The following ZNF683 variants were observed in gnomAD, a reference collection of about 807,000 sequenced individuals.
ZNF683 encodes the protein zinc finger protein 683.
ZNF683 carries 20 observed loss-of-function variants against 31.4 expected under a neutral mutation model. The observed-to-expected ratio is 0.64, with a 90% CI of 0.45 to 0.93. The LOEUF (loss-of-function observed/expected upper bound fraction) is 0.93, where lower values mean the gene tolerates loss of function less well. ZNF683 is among the 40% of genes least tolerant of loss of function. ZNF683 has a pLI of 0.00. For synonymous variants in ZNF683, 264 were observed against 267.6 expected (o/e 0.99, Z 0.13); for missense variants, 621 against 637.2 (o/e 0.97, Z 0.27).
chr1:26,367,686 A>G lies in ZNF683; in HGVS notation c.226T>C (p.Cys76Arg). 6.2e-7 allele frequency: 1 copy of G among 1,612,828 alleles called. No individual in the cohort carries two copies. The highest frequency in any genetic ancestry group is 2.2e-5 in the East Asian group (1 of 44,850). The change falls in exon 3 of 6, where the codon TGC (cysteine) becomes CGC (arginine). Residue 76 changes from cysteine (C) to arginine (R), a missense_variant. Physicochemically the swap from Cys to Arg is radical, Grantham distance 180. Coordinates refer to ENST00000349618, the MANE Select transcript of ZNF683 (RefSeq NM_001114759.3). ...LAPGRSALLA[C>R]LQDLDLNLCT... The stretch of plus-strand genomic sequence containing the variant: ...AGGTTCAGGTCCAGGTCCTGTAGGC[A>G]GGCCAGCAGTGCAGACCTGCCCGGT...
chr1:26,372,550 G>T (rs1250338949), intron 1 of ZNF683, 119 bp downstream of exon 1: 4 of 1,304,834 alleles, frequency 3.1e-6, no homozygotes, highest in Non-Finnish European at 4.0e-6. Flanking sequence ...GCTTCCATCT[G>T]CCAGCTCTGC....
In ZNF683 at chr1:26,367,705, G is replaced by T; in HGVS notation, c.207C>A (p.Gly69=). 6.2e-7 allele frequency: 1 copy of T among 1,612,254 alleles called. No individual in the cohort carries two copies. Among genetic ancestry groups the T allele is most frequent in the East Asian group, 2.2e-5 (1 of 44,820 alleles). ...GTAGGCAGGCCAGCAGTGCAGACCT[G>T]CCCGGTGCCAGGGGCAAGGGACACA... ...SWLCPLPLAP[G]RSALLACLQD... The change falls in exon 3 of 6, where the codon GGC becomes GGA. Residue 69 remains glycine (G), a synonymous_variant. Coordinates refer to ENST00000349618, the MANE Select transcript of ZNF683 (RefSeq NM_001114759.3).
Position 26,364,684 on chromosome 1 carries a change from G to A in ZNF683, c.862C>T (p.Arg288Cys), listed in dbSNP as rs771189082. The A allele has an allele frequency of 1.9e-6, 3 of 1,613,784 alleles. No homozygotes were observed. The highest frequency in any genetic ancestry group is 1.3e-5 in the African/African-American group (1 of 74,922). Residue 288 changes from arginine (R) to cysteine (C), a missense_variant, in exon 4 of 6, where the codon CGT becomes TGT. Coordinates refer to ENST00000349618, the MANE Select transcript of ZNF683 (RefSeq NM_001114759.3). The stretch of plus-strand genomic sequence containing the variant: ...TTTGCTGGAGATGCCATGCCACCAC[G>A]CTCCAGGCCTGGGGAGTCGGTTGGG... ...AAPTDSPGLE[R>C]GGMASPAKRV...
At chr1:26,371,251 C>T (rs1005282859) in intron 1 of ZNF683, among the ~76,000 whole-genome samples, 10 of 152,170 alleles carry the variant, frequency 6.6e-5, no homozygotes, top group African/African-American at 2.4e-4. Flanking sequence ...TCTCAGATCT[C>T]CTGACCCTGG....
chr1:26,365,292 C>T (rs2074496116), intron 3 of ZNF683, 66 bp from the exon 4 acceptor site: 9 of 1,477,676 alleles, frequency 6.1e-6, no homozygotes, highest in Non-Finnish European at 8.1e-6. Flanking sequence ...CGCCATCAAA[C>T]CTGCCCTGCT....
At chr1:26,368,427 C>T (rs764766352) in intron 2 of ZNF683, 31 bp downstream of exon 2, 1 of 1,526,954 alleles carries the variant, frequency 6.5e-7, no homozygotes, top group African/African-American at 1.4e-5. Context: ...AGCAGACTAC[C>T]CACAAAGGTA....
At position 26,368,489 on chromosome 1, in the gene ZNF683, C is replaced by A. The variant is rs1040882998; in HGVS notation, c.83G>T (p.Ser28Ile). 6.2e-7 allele frequency: 1 copy of A among 1,600,176 alleles called. No homozygotes were observed. Among genetic ancestry groups the A allele is most frequent in the Non-Finnish European group, 8.5e-7 (1 of 1,173,700 alleles). The change falls in exon 2 of 6, where the codon AGC becomes ATC. Residue 28 changes from serine (S) to isoleucine (I), a missense_variant. Coordinates refer to ENST00000349618, the MANE Select transcript of ZNF683 (RefSeq NM_001114759.3). ...ACCTCGGAAGAGCTGGAAGTCCAGG[C>A]TGGGGGACAGGGAGCCCCCTGTACC... ...LGGTGGSLSP[S>I]LDFQLFRGDQ...
At chr1:26,368,081 C>T (rs1274468730) in intron 2 of ZNF683, among the ~76,000 whole-genome samples, 1 of 152,134 alleles carries the variant, frequency 6.6e-6, no homozygotes, top group Non-Finnish European at 1.5e-5. Context: ...CACCCTGGTC[C>T]CCAGTGTATC....
At chr1:26,365,947 G>A (rs879727102) in intron 3 of ZNF683, among the ~76,000 whole-genome samples, 57 of 152,160 alleles carry the variant, frequency 3.7e-4, no homozygotes, top group Non-Finnish European at 5.6e-4. Context: ...TTGGGAGGCC[G>A]AGGCGGGAAG....
At chr1:26,368,664 T>G in intron 1 of ZNF683, 79 bp from the exon 2 acceptor site, 1 of 1,437,170 alleles carries the variant, frequency 7.0e-7, no homozygotes, top group Middle Eastern at 1.8e-4. Flanking sequence ...GCTCTCCCAT[T>G]AACATGCTGC....
At chr1:26,374,176 C>G, upstream of ZNF683, 1 of 1,229,172 alleles carries the variant, frequency 8.1e-7, no homozygotes, top group Non-Finnish European at 1.1e-6. Flanking sequence ...TCTCAGACCC[C>G]CAGGCCACAA....
At position 26,367,684 on chromosome 1, in the gene ZNF683, G is replaced by A. The variant is rs531726479; in HGVS notation, c.228C>T (p.Cys76=). 8.1e-6 allele frequency: 13 copies of A among 1,612,810 alleles called. No homozygotes were observed. The African/African-American group carries it at 1.7e-4, about 22-fold the overall frequency. The change falls in exon 3 of 6, where the codon TGC becomes TGT. Residue 76 remains cysteine, a synonymous_variant. Coordinates refer to ENST00000349618, the MANE Select transcript of ZNF683 (RefSeq NM_001114759.3). ...ACAGGTTCAGGTCCAGGTCCTGTAG[G>A]CAGGCCAGCAGTGCAGACCTGCCCG... is the stretch of plus-strand genomic sequence containing the variant. ...LAPGRSALLA[C]LQDLDLNLCT... is the part of the protein sequence containing the mutation.
chr1:26,364,535 G>C lies in ZNF683; in HGVS notation c.1011C>G (p.Leu337=), dbSNP rs1444540350. The C allele has an allele frequency of 6.2e-7, 1 of 1,613,730 alleles. No individual in the cohort carries two copies. Residue 337 remains leucine (L), a synonymous_variant, in exon 4 of 6, where the codon CTC becomes CTG. Transcript: ENST00000349618. ...GCAGAGCCCAGGAGGCAGATACCTT[G>C]AGATTGGAGAGCTGCCCAAAGCTCT... ...CGKSFGQLSN[L]KVHLRVHSGE...
At chr1:26,366,740 C>T (rs2074533078) in intron 3 of ZNF683, among the ~76,000 whole-genome samples, 1 of 152,130 alleles carries the variant, frequency 6.6e-6, no homozygotes, top group South Asian at 2.1e-4. Flanking sequence ...ACTGCAAGCT[C>T]CGCCTCCCAG....
chr1:26,368,194 A>T (rs947814236), intron 2 of ZNF683, among the ~76,000 whole-genome samples: 1 of 152,248 alleles, frequency 6.6e-6, no homozygotes, highest in African/African-American at 2.4e-5. Flanking sequence ...CTGCTCACTA[A>T]GGCCCAAGGC....
At chr1:26,362,282 T>C in intron 5 of ZNF683, 1 of 1,122,434 alleles carries the variant, frequency 8.9e-7, no homozygotes, top group Non-Finnish European at 1.3e-6. Flanking sequence ...ATTGGTAACA[T>C]TGGTTATTAA....
chr1:26,374,126 C>T (rs943953006), upstream of ZNF683, among the ~76,000 whole-genome samples: 25 of 152,030 alleles, frequency 1.6e-4, no homozygotes, highest in African/African-American at 5.8e-4. Flanking sequence ...AATGGAGGGG[C>T]TTAGTTCACC....
intron 5 of ZNF683, 23 bp downstream of exon 5, chr1:26,363,003 T>C (rs757550888): frequency 6.3e-6 from 10 of 1,598,482 alleles, no homozygotes; most frequent in Non-Finnish European, 8.5e-6. Flanking sequence ...TAGGAGTACA[T>C]AGTAGGGGGA....
chr1:26,367,062 C>G (rs894095315), intron 3 of ZNF683, among the ~76,000 whole-genome samples: 1 of 152,084 alleles, frequency 6.6e-6, no homozygotes, highest in Non-Finnish European at 1.5e-5. Flanking sequence ...GTCAGGAGTT[C>G]GAGACCAGCC....
Sources: gnomAD v4.1 joint callset for allele counts (sites outside exome capture counted in the v4.1 genomes callset) on GRCh38, gnomAD v4.1.1 for gene constraint, MANE v1.5 for transcripts, NCBI Gene and HGNC (gene_info 2026-07-23, HGNC 2026-07-21) for gene names.